Variants in LYPLA1 observed in about 807,000 individuals in gnomAD.
LYPLA1 encodes the protein lysophospholipase 1.
Under a neutral mutation model 34.0 loss-of-function variants are expected in LYPLA1, and 17 were observed. That is an observed-to-expected ratio of 0.50 (90% CI 0.34 to 0.75). The LOEUF is 0.75. Ranked by LOEUF, LYPLA1 falls within the 30% of genes least tolerant of loss-of-function variation. The pLI is 0.01. For missense variants in LYPLA1, 203 were observed against 288.8 expected (o/e 0.70, Z 2.15); for synonymous variants, 98 against 100.8 (o/e 0.97, Z 0.17).
intron 7 of LYPLA1, among the ~76,000 whole-genome samples, chr8:54,052,369 T>C (rs2129324335): frequency 6.6e-6 from 1 of 152,194 alleles, no homozygotes; most frequent in African/African-American, 2.4e-5. Context: ...GGATGAGTGC[T>C]GTAAGTGGAG....
intron 5 of LYPLA1, among the ~76,000 whole-genome samples, chr8:54,058,973 C>T (rs896544291): frequency 1.3e-5 from 2 of 152,046 alleles, no homozygotes; most frequent in Non-Finnish European, 2.9e-5. Context: ...TTTTTTCTTT[C>T]CTGGCTGAGT....
At position 54,085,319 on chromosome 8, in the gene LYPLA1, G is replaced by A. The variant is rs145543385; in HGVS notation, c.101+15589C>T. Among the ~76,000 whole-genome samples, 796 of 152,324 alleles carry A rather than the reference G, an allele frequency of 5.2e-3. 12 individuals carry two copies. In the East Asian group the frequency reaches 0.058, roughly 11 times the overall value. Reference sequence around the variant, plus strand: ...GTTGCCCAGGCTGGAGTGCAGTGGCGTGATCTCGGCTCACTATAACCTCCA... The same window carrying A: ...GTTGCCCAGGCTGGAGTGCAGTGGCATGATCTCGGCTCACTATAACCTCCA... On this transcript the variant is annotated intron_variant, in intron 2 of 8. Transcript: ENST00000316963.
chr8:54,101,844 G>T lies in LYPLA1; in HGVS notation c.-21C>A. On this transcript the variant is annotated 5_prime_UTR_variant, in exon 1 of 9. Coordinates refer to ENST00000316963, the MANE Select transcript of LYPLA1 (RefSeq NM_006330.4). ...CACATACACCGCCTCAGCTCACAGCGCAAGCGGAAGGAAGAGCGGGCGCCC... is the reference window on the plus strand; with the variant it reads ...CACATACACCGCCTCAGCTCACAGCTCAAGCGGAAGGAAGAGCGGGCGCCC... 2.4e-6 allele frequency: 3 copies of T among 1,245,798 alleles called. No homozygotes were observed. The highest frequency in any genetic ancestry group is 3.3e-4 in the Middle Eastern group (1 of 3,034). The allele number at this position is 1,245,798 out of a possible 1,614,324, so 77.2% of individuals were successfully genotyped here. A position where few individuals can be genotyped will look rare whatever the true frequency, so the allele number is the denominator to read the frequency against.
intron 2 of LYPLA1, among the ~76,000 whole-genome samples, chr8:54,085,629 G>A (rs892970360): frequency 3.8e-5 from 5 of 130,960 alleles, no homozygotes; most frequent in African/African-American, 8.7e-5. Context: ...GCCTGGCCGC[G>A]ACCCCGTCTG....
intron 2 of LYPLA1, among the ~76,000 whole-genome samples, chr8:54,080,072 T>TA (rs1002712162): frequency 4.1e-4 from 62 of 152,132 alleles, no homozygotes; most frequent in African/African-American, 1.1e-3. Flanking sequence ...CACAGCCACT[T>TA]AAAAAAAATC....
downstream of LYPLA1, among the ~76,000 whole-genome samples, chr8:54,045,294 C>G (rs1805450609): frequency 6.6e-6 from 1 of 152,140 alleles, no homozygotes; most frequent in African/African-American, 2.4e-5. Flanking sequence ...TTTATACTTT[C>G]AAAATGCAGC....
rs1352950869 is a variant in LYPLA1 at position 54,065,767 on chromosome 8, T to C, written c.148A>G (p.Lys50Glu). Residue 50 changes from lysine (K) to glutamate (E), a missense_variant, in exon 3 of 9, where the codon AAA (lysine) becomes GAA (glutamate). Transcript: ENST00000316963. ...AFAGIRSSHI[K>E]YICPHAPVRP... The stretch of plus-strand genomic sequence containing the variant: ...ACTCACGCATGCGGGCAGATATATT[T>C]GATATGTGAACTTCTGATACCTGCA... The C allele has an allele frequency of 1.2e-6, 2 of 1,613,762 alleles. No homozygotes were observed. Among genetic ancestry groups the C allele is most frequent in the Non-Finnish European group, 1.7e-6 (2 of 1,179,860 alleles).
intron 2 of LYPLA1, among the ~76,000 whole-genome samples, chr8:54,085,260 T>C (rs573285112): frequency 2.0e-5 from 3 of 152,138 alleles, no homozygotes; most frequent in South Asian, 2.1e-4. Context: ...GGTGCCGGGA[T>C]TGCAGACGGA....
intron 5 of LYPLA1, among the ~76,000 whole-genome samples, chr8:54,058,681 T>C (rs1238462764): frequency 2.0e-5 from 3 of 151,632 alleles, no homozygotes; most frequent in Admixed American, 6.6e-5. Flanking sequence ...GCTCAAGCAA[T>C]CCTCCCACCT....
intron 2 of LYPLA1, among the ~76,000 whole-genome samples, chr8:54,094,335 T>G (rs1235486723): frequency 6.6e-6 from 1 of 152,146 alleles, no homozygotes; most frequent in Non-Finnish European, 1.5e-5. Context: ...AGGTGTGATA[T>G]TCAGCAGATG....
chr8:54,101,756 G>A lies in LYPLA1; in HGVS notation c.68C>T (p.Ala23Val). The stretch of plus-strand genomic sequence containing the variant: ...CGAGCCCACGCCTACGCCACTCACC[G>A]CAGCGGTGGCCTTCCGGGCGGCGGG... ...IVPAARKATA[A>V]VIFLHGLGDT... Residue 23 changes from alanine (A) to valine (V), a missense_variant and splice_region_variant, in exon 1 of 9, where the codon GCG becomes GTG. This residue lies in a region of LYPLA1 where 75 missense variants were observed against 73.5 expected (regional missense o/e 1.02). Coordinates refer to ENST00000316963, the MANE Select transcript of LYPLA1 (RefSeq NM_006330.4). 2 of 1,294,828 alleles carry A rather than the reference G, an allele frequency of 1.5e-6. No individual in the cohort carries two copies. Among genetic ancestry groups the A allele is most frequent in the Non-Finnish European group, 9.9e-7 (1 of 1,012,734 alleles). The allele number at this position is 1,294,828 out of a possible 1,614,324, so 80.2% of individuals were successfully genotyped here.
chr8:54,084,141 A>ATATATATAC (rs1554547935), intron 2 of LYPLA1, among the ~76,000 whole-genome samples: 3 of 118,646 alleles, frequency 2.5e-5, no homozygotes, highest in African/African-American at 1.4e-4. Flanking sequence ...AAAATAAATA[A>ATATATATAC]ATATATATAT....
downstream of LYPLA1, chr8:54,043,249 T>G (rs898915722): frequency 3.3e-5 from 5 of 152,322 alleles, no homozygotes; most frequent in East Asian, 9.7e-4. Context: ...GAAAAGGCTG[T>G]TTTTCATTTT....
At chr8:54,100,261 A>C (rs1810017506) in intron 2 of LYPLA1, 1 of 152,354 alleles carries the variant, frequency 6.6e-6, no homozygotes, top group Non-Finnish European at 1.5e-5. Context: ...AGGCTGAAGG[A>C]TCACTTGAGC....
intron 2 of LYPLA1, among the ~76,000 whole-genome samples, chr8:54,089,255 T>A (rs1481306172): frequency 6.6e-6 from 1 of 152,200 alleles, no homozygotes. Context: ...ACCACAGTTT[T>A]GCTTTCTGTG....
chr8:54,075,088 G>A (rs1323860803), intron 2 of LYPLA1, among the ~76,000 whole-genome samples: 1 of 152,192 alleles, frequency 6.6e-6, no homozygotes. Context: ...TAAAACAGCA[G>A]TTGCAAAAGC....
intron 6 of LYPLA1, 111 bp downstream of exon 6, chr8:54,054,949 C>A: frequency 6.0e-6 from 4 of 667,040 alleles, no homozygotes; most frequent in Non-Finnish European, 1.1e-5. Flanking sequence ...GTAAGTGTAT[C>A]AGTCAAGATT....
At chr8:54,063,928 C>A (rs1023741639) in intron 3 of LYPLA1, among the ~76,000 whole-genome samples, 4 of 152,176 alleles carry the variant, frequency 2.6e-5, no homozygotes, top group Non-Finnish European at 5.9e-5. Flanking sequence ...GAATTCAGCT[C>A]CATCCAAAGG....
chr8:54,059,932 T>A (rs1442988253), intron 5 of LYPLA1, among the ~76,000 whole-genome samples: 1 of 151,992 alleles, frequency 6.6e-6, no homozygotes, highest in Non-Finnish European at 1.5e-5. Flanking sequence ...AATAAAAAAT[T>A]ACCAAAAAGC....
Sources: gnomAD v4.1 joint callset for allele counts (sites outside exome capture counted in the v4.1 genomes callset) on GRCh38, gnomAD v4.1.1 for gene constraint, gnomAD v4.1.1 regional missense constraint, MANE v1.5 for transcripts, NCBI Gene and HGNC (gene_info 2026-07-23, HGNC 2026-07-21) for gene names.